ADCY10: variants seen among roughly 807,000 people sequenced by gnomAD.
ADCY10 encodes adenylate cyclase 10, also known as adenylate cyclase type 10.
Under a neutral mutation model 183.3 loss-of-function variants are expected in ADCY10, and 156 were observed. The observed-to-expected ratio is 0.85, with a 90% CI of 0.75 to 0.97. The LOEUF (loss-of-function observed/expected upper bound fraction) is 0.97, where lower values mean the gene tolerates loss of function less well. Among genes scored for constraint, ADCY10 ranks in the 50% least tolerant of loss-of-function variants. The pLI is 0.00. For missense variants in ADCY10, 1,745 were observed against 1,934.3 expected, an observed-to-expected ratio of 0.90 and a Z score of 1.84; for synonymous variants, 645 against 670.0, an observed-to-expected ratio of 0.96 and a Z score of 0.58.
intron 30 of ADCY10, among the ~76,000 whole-genome samples, chr1:167,819,247 A>ATTT (rs11454786): frequency 0.011 from 1,364 of 128,316 alleles, 19 homozygotes; most frequent in Non-Finnish European, 0.017. Context: ...AGAAAATCCG[A>ATTT]TTTTTTTTTT....
intron 8 of ADCY10, among the ~76,000 whole-genome samples, chr1:167,887,551 G>T (rs1668310132): frequency 6.6e-6 from 1 of 151,978 alleles, no homozygotes; most frequent in African/African-American, 2.4e-5. Context: ...GTCGTGGGCT[G>T]GGGGGAAGGG....
chr1:167,814,641 C>T (rs1662414756), intron 31 of ADCY10, among the ~76,000 whole-genome samples: 1 of 151,944 alleles, frequency 6.6e-6, no homozygotes, highest in Non-Finnish European at 1.5e-5. Context: ...TTAGACAACA[C>T]AATAAACCAA....
rs1427345373 is a variant in ADCY10 at position 167,833,005 on chromosome 1, T to G, written c.3575A>C (p.Gln1192Pro). ...RHFHYVNRQA[Q>P]ESPPPGKKRL... ...CCCTTACCCTGGAGGTGGGCTCTCT[T>G]GGGCCTGCCGATTCACATAATGAAA... The change falls in exon 25 of 33, where the codon CAA (glutamine) becomes CCA (proline). Residue 1192 changes from glutamine (Q) to proline (P), a missense_variant. Gln to Pro is a moderately conservative substitution (Grantham distance 76). Coordinates refer to ENST00000367851, the MANE Select transcript of ADCY10 (RefSeq NM_018417.6). The G allele has an allele frequency of 1.2e-6, 2 of 1,613,934 alleles. No individual in the cohort carries two copies. Among genetic ancestry groups the G allele is most frequent in the Admixed American group, 3.3e-5 (2 of 60,002 alleles).
At chr1:167,901,536 C>T in intron 5 of ADCY10, 126 bp downstream of exon 5, 1 of 1,000,946 alleles carries the variant, frequency 1.0e-6, no homozygotes, top group Non-Finnish European at 1.6e-6. Context: ...GTCCTGATGC[C>T]AAAGTTCAGG....
chr1:167,832,927 G>GTGTA (rs1367113361), intron 25 of ADCY10, 60 bp downstream of exon 25: 7 of 1,567,652 alleles, frequency 4.5e-6, no homozygotes, highest in Admixed American at 1.7e-5. Context: ...CTTGGATTAT[G>GTGTA]TGTAGGCCTC....
chr1:167,903,694 A>G (rs1182473695), intron 3 of ADCY10, among the ~76,000 whole-genome samples, 193 bp downstream of exon 3: 2 of 152,174 alleles, frequency 1.3e-5, no homozygotes, highest in Non-Finnish European at 2.9e-5. Flanking sequence ...AATAGTCTGT[A>G]TTAGTGAGGT....
intron 21 of ADCY10, among the ~76,000 whole-genome samples, chr1:167,841,290 G>C (rs939422608): frequency 2.0e-5 from 3 of 151,810 alleles, no homozygotes; most frequent in Admixed American, 1.3e-4. Context: ...AGAATGGAAG[G>C]GCCACGCTCC....
At chr1:167,859,763 C>T (rs1232271183) in intron 16 of ADCY10, 44 bp downstream of exon 16, 1 of 1,449,144 alleles carries the variant, frequency 6.9e-7, no homozygotes, top group South Asian at 1.1e-5. Context: ...TGGTGATTTG[C>T]CCAGTTTTCT....
chr1:167,910,728 A>G lies in ADCY10; in HGVS notation c.-59+3248T>C, dbSNP rs1021814997. On this transcript the variant is annotated intron_variant, in intron 1 of 32. Transcript: ENST00000367851. ...GGGTGCTCTGAAGTGGCTTCCACAG[A>G]TGTGCTGAGTAGCCAGAGAACTAAG... 2.0e-5 allele frequency among the ~76,000 whole-genome samples: 3 copies of G among 152,170 alleles called. No individual in the cohort carries two copies. The South Asian group carries it at 6.2e-4, about 31-fold the overall frequency.
rs1553260753 is a variant in ADCY10, at chr1:167,823,444, A to AG, written c.4053-322dup. ...CATCTCAAAAAAAAAAAAAAAAAAA[A>AG]GCAGTGGATATAATGGACTTTGGGG... On this transcript the variant is annotated intron_variant, in intron 28 of 32. Transcript: ENST00000367851. Among the ~76,000 whole-genome samples, 555 of 149,812 alleles carry AG rather than the reference A, an allele frequency of 3.7e-3. 3 individuals are homozygous for AG. Among genetic ancestry groups the AG allele is most frequent in the African/African-American group, 0.013 (527 of 40,496 alleles).
chr1:167,810,759 T>G lies in ADCY10; in HGVS notation c.4637A>C (p.Asn1546Thr). 1 of 1,614,234 alleles carries G rather than the reference T, an allele frequency of 6.2e-7. No individual in the cohort carries two copies. Among genetic ancestry groups the G allele is most frequent in the African/African-American group, 1.3e-5 (1 of 75,064 alleles). The stretch of plus-strand genomic sequence containing the variant: ...GTTCAGCCAGCATTTCTCCAGTATA[T>G]TCCCCTGTGTTTCAGAGAGCCGCAA... ...TALRLSETQG[N>T]ILEKCWLNMN... Residue 1546 changes from asparagine (N) to threonine (T), a missense_variant, in exon 32 of 33, where the codon AAT (asparagine) becomes ACT (threonine). Physicochemically the swap from Asn to Thr is moderately conservative, Grantham distance 65 (BLOSUM62 0). Coordinates refer to ENST00000367851, the MANE Select transcript of ADCY10 (RefSeq NM_018417.6).
At chr1:167,903,436 C>T (rs905649588) in intron 3 of ADCY10, among the ~76,000 whole-genome samples, 13 of 151,670 alleles carry the variant, frequency 8.6e-5, no homozygotes, top group Non-Finnish European at 1.5e-4. Flanking sequence ...TGGGGGCGGG[C>T]GCCTGTAATC....
intron 14 of ADCY10, among the ~76,000 whole-genome samples, chr1:167,868,838 C>G (rs192246923): frequency 2.0e-5 from 3 of 152,280 alleles, no homozygotes; most frequent in Admixed American, 2.0e-4. Flanking sequence ...GTATACCAGA[C>G]CCCCATTTAC....
chr1:167,809,557 T>G lies in ADCY10; in HGVS notation c.*121A>C. On this transcript the variant is annotated 3_prime_UTR_variant, in exon 33 of 33. Transcript: ENST00000367851. Reference sequence around the variant, plus strand: ...GAAAGAGAAGAAATCAACATGTCTGTTTCTGTGTCTGGAACAGAAGAGATT... The same window carrying G: ...GAAAGAGAAGAAATCAACATGTCTGGTTCTGTGTCTGGAACAGAAGAGATT... The G allele has an allele frequency of 1.8e-6, 2 of 1,098,564 alleles. No individual in the cohort carries two copies. Among genetic ancestry groups the G allele is most frequent in the South Asian group, 2.6e-5 (2 of 76,850 alleles). The allele number at this position is 1,098,564 out of a possible 1,614,324, so 68.1% of individuals were successfully genotyped here. A position where few individuals can be genotyped will look rare whatever the true frequency, so the allele number is the denominator to read the frequency against.
chr1:167,879,568 C>T (rs1667731329), intron 11 of ADCY10, among the ~76,000 whole-genome samples: 2 of 152,138 alleles, frequency 1.3e-5, no homozygotes, highest in South Asian at 4.1e-4. Context: ...ACCCTGTGTA[C>T]TTTTGAAGAA....
chr1:167,872,021 TAATAAAAAATAAATA>T (rs761118062), intron 13 of ADCY10, among the ~76,000 whole-genome samples: 33 of 151,862 alleles, frequency 2.2e-4, no homozygotes, highest in Non-Finnish European at 4.0e-4. Flanking sequence ...TAAAGTATAA[TAATAAAAAATAAATA>T]AATAAAAAAT....
intron 30 of ADCY10, among the ~76,000 whole-genome samples, chr1:167,819,445 G>T (rs958285552): frequency 2.6e-5 from 4 of 152,004 alleles, no homozygotes; most frequent in African/African-American, 7.2e-5. Flanking sequence ...CACCATATTG[G>T]CCAGGCTGGT....
Position 167,870,405 on chromosome 1 carries a change from T to C in ADCY10, c.1468A>G (p.Asn490Asp), listed in dbSNP as rs1667015845. 1 of 1,607,524 alleles carries C rather than the reference T, an allele frequency of 6.2e-7. No homozygotes were observed. Among genetic ancestry groups the C allele is most frequent in the Non-Finnish European group, 8.5e-7 (1 of 1,174,626 alleles). ...TACATGAAGTAGTTGATCTCTTTAT[T>C]ACGTCCTGTTATTTTTAGTTTTAAA... ...RKEDYPLLGR[N>D]KEINYFMYTM... Residue 490 changes from asparagine to aspartate, a missense_variant, in exon 14 of 33, where the codon AAT becomes GAT. By Grantham distance (23) the Asn-to-Asp change is conservative. Coordinates refer to ENST00000367851, the MANE Select transcript of ADCY10 (RefSeq NM_018417.6).
At chr1:167,810,960 C>G in intron 31 of ADCY10, 47 bp from the exon 32 acceptor site, 2 of 1,554,864 alleles carry the variant, frequency 1.3e-6, no homozygotes, top group East Asian at 4.5e-5. Context: ...AAACAGGGGT[C>G]CTTGACTGTA....
Sources: gnomAD v4.1 joint callset for allele counts (sites outside exome capture counted in the v4.1 genomes callset) on GRCh38, gnomAD v4.1.1 for gene constraint, MANE v1.5 for transcripts, NCBI Gene and HGNC (gene_info 2026-07-23, HGNC 2026-07-21) for gene names.